The following WWOX variants were observed in gnomAD, a reference collection of about 807,000 sequenced individuals.
The protein encoded by WWOX is WW domain containing oxidoreductase, also known as WW domain-containing oxidoreductase.
Under a neutral mutation model 46.2 loss-of-function variants are expected in WWOX, and 69 were observed. The observed-to-expected ratio is 1.49, with a 90% confidence interval of 1.23 to 1.82. The LOEUF is 1.82. Among genes scored for constraint, WWOX ranks in the 40% most tolerant of loss-of-function variants. The probability of loss-of-function intolerance (pLI) is 0.00; values close to 1 mark genes in which losing one functional copy is unlikely to be tolerated. For synonymous variants in WWOX, 359 were observed against 202.6 expected, an observed-to-expected ratio of 1.77 and a Z score of -6.56; for missense variants, 919 against 542.6, an observed-to-expected ratio of 1.69 and a Z score of -6.89.
intron 8 of WWOX, among the ~76,000 whole-genome samples, chr16:78,678,058 TTC>T (rs1180348627): frequency 1.3e-5 from 2 of 152,214 alleles, no homozygotes; most frequent in East Asian, 3.8e-4. Flanking sequence ...CAGACATCAT[TTC>T]TCTGTTTAAT....
chr16:78,144,839 C>T (rs2034144663), intron 4 of WWOX, among the ~76,000 whole-genome samples: 1 of 151,824 alleles, frequency 6.6e-6, no homozygotes, highest in Non-Finnish European at 1.5e-5. Context: ...CTTTTAATGG[C>T]AAAGATAATT....
chr16:78,753,828 ATATAT>A (rs2049558198), intron 8 of WWOX, among the ~76,000 whole-genome samples: 16 of 63,578 alleles, frequency 2.5e-4, no homozygotes, highest in African/African-American at 1.4e-3. Flanking sequence ...AAAAAAAAAT[ATATAT>A]ATATATATAT....
chr16:78,465,884 A>T (rs2084064493), intron 8 of WWOX, among the ~76,000 whole-genome samples: 1 of 152,198 alleles, frequency 6.6e-6, no homozygotes, highest in African/African-American at 2.4e-5. Context: ...AACACATTAA[A>T]CACTAAGAGG....
chr16:78,573,489 G>A (rs903691462), intron 8 of WWOX, among the ~76,000 whole-genome samples: 1 of 152,140 alleles, frequency 6.6e-6, no homozygotes, highest in Non-Finnish European at 1.5e-5. Context: ...CTATATGTCA[G>A]ATGCATCTTC....
chr16:78,180,763 G>C (rs552050989), intron 5 of WWOX, among the ~76,000 whole-genome samples: 1 of 151,306 alleles, frequency 6.6e-6, no homozygotes, highest in East Asian at 2.0e-4. Context: ...AGCTGTACAC[G>C]AGAGTAGGGG....
chr16:79,008,515 A>G (rs2047235842), intron 8 of WWOX, among the ~76,000 whole-genome samples: 1 of 152,182 alleles, frequency 6.6e-6, no homozygotes, highest in Non-Finnish European at 1.5e-5. Context: ...ATTCTATAGG[A>G]AATGGAAGTC....
chr16:78,397,971 C>T (rs914563568), intron 6 of WWOX, among the ~76,000 whole-genome samples: 8 of 152,194 alleles, frequency 5.3e-5, no homozygotes, highest in South Asian at 4.1e-4. Context: ...TCATGGAGTT[C>T]GTTTAAGCTG....
intron 8 of WWOX, among the ~76,000 whole-genome samples, chr16:78,751,972 C>CA (rs1452232005): frequency 1.7e-4 from 26 of 150,932 alleles, no homozygotes; most frequent in Admixed American, 1.5e-3. Context: ...TGGGCTGCCA[C>CA]AATACTTCTA....
At chr16:78,770,355 A>G (rs972987806) in intron 8 of WWOX, among the ~76,000 whole-genome samples, 6 of 83,638 alleles carry the variant, frequency 7.2e-5, no homozygotes, top group Non-Finnish European at 1.6e-4. Flanking sequence ...TGTCTCAAAC[A>G]AAAAAAAAAT....
chr16:79,031,512 A>C (rs1008151119), intron 8 of WWOX, among the ~76,000 whole-genome samples: 25 of 152,232 alleles, frequency 1.6e-4, no homozygotes, highest in African/African-American at 5.8e-4. Flanking sequence ...AGTGGTCATT[A>C]AAGCCTAGAA....
intron 8 of WWOX, among the ~76,000 whole-genome samples, chr16:78,578,254 T>TTTTATATATATATA (rs1462537260): frequency 9.5e-5 from 3 of 31,646 alleles, no homozygotes; most frequent in East Asian, 1.1e-3. Context: ...ATACCAAATT[T>TTTTATATATATATA]TATATATATA....
At chr16:78,185,470 T>G (rs575255575) in intron 5 of WWOX, among the ~76,000 whole-genome samples, 217 of 151,574 alleles carry the variant, frequency 1.4e-3, no homozygotes, top group African/African-American at 5.1e-3. Flanking sequence ...CTTTTTCAAG[T>G]TGAACTGTGA....
chr16:78,735,629 A>T (rs1035902329), intron 8 of WWOX, among the ~76,000 whole-genome samples: 1 of 152,252 alleles, frequency 6.6e-6, no homozygotes, highest in Non-Finnish European at 1.5e-5. Context: ...ATGAGGAGAC[A>T]GCAGACAGTT....
In WWOX at chr16:78,343,359, C is replaced by T. The variant is rs569364801; in HGVS notation, c.517-43501C>T. Among the ~76,000 whole-genome samples the T allele has an allele frequency of 1.7e-4, 21 of 121,418 alleles. 4 individuals are homozygous for T. Among genetic ancestry groups the T allele is most frequent in the African/African-American group, 5.6e-4 (20 of 35,828 alleles). 79.7% of individuals were successfully genotyped at this position (121,418 alleles called of 152,430 possible). ...TTCTAGGCACATTAAACGGTCAGTG[C>T]ACAGGTCCTCATTTTTCTCATGCTT... On this transcript the variant is annotated intron_variant, in intron 5 of 8. Coordinates refer to ENST00000566780, the MANE Select transcript of WWOX (RefSeq NM_016373.4).
intron 8 of WWOX, among the ~76,000 whole-genome samples, chr16:78,530,475 C>T (rs372965835): frequency 2.0e-5 from 3 of 152,186 alleles, no homozygotes; most frequent in African/African-American, 7.2e-5. Flanking sequence ...TCAAGCTGTT[C>T]TTCTGAAGTC....
chr16:78,210,898 T>C (rs1426531752), intron 5 of WWOX, among the ~76,000 whole-genome samples: 2 of 152,246 alleles, frequency 1.3e-5, no homozygotes, highest in Non-Finnish European at 1.5e-5. Flanking sequence ...CTACCAAATT[T>C]AGTATATTTA....
At chr16:78,460,300 C>T (rs1165517053) in intron 8 of WWOX, among the ~76,000 whole-genome samples, 6 of 152,062 alleles carry the variant, frequency 3.9e-5, no homozygotes, top group African/African-American at 1.4e-4. Context: ...GCTAGTTTTT[C>T]TATTTTTAGT....
At chr16:78,502,997 G>T (rs548592649) in intron 8 of WWOX, among the ~76,000 whole-genome samples, 2 of 152,196 alleles carry the variant, frequency 1.3e-5, no homozygotes, top group Non-Finnish European at 2.9e-5. Flanking sequence ...CACAGCCTCG[G>T]CAGTGTTTGT....
chr16:78,534,720 TTTTA>T (rs1434023029), intron 8 of WWOX, among the ~76,000 whole-genome samples: 2 of 147,802 alleles, frequency 1.4e-5, no homozygotes, highest in Non-Finnish European at 3.0e-5. Flanking sequence ...TTTTATTTCA[TTTTA>T]TTTTTTTTGA....
Sources: gnomAD v4.1 joint callset for allele counts (sites outside exome capture counted in the v4.1 genomes callset) on GRCh38, gnomAD v4.1.1 for gene constraint, MANE v1.5 for transcripts, NCBI Gene and HGNC (gene_info 2026-07-23, HGNC 2026-07-21) for gene names.